The following CFAP57 variants were observed in gnomAD, a reference collection of about 807,000 sequenced individuals.
CFAP57 encodes cilia and flagella associated protein 57, also known as cilia- and flagella-associated protein 57.
Under a neutral mutation model 146.8 loss-of-function variants are expected in CFAP57, and 116 were observed. The observed-to-expected ratio is 0.79, with a 90% CI of 0.68 to 0.92. The LOEUF (loss-of-function observed/expected upper bound fraction) is 0.92. CFAP57 is among the 40% of genes least tolerant of loss of function. CFAP57 has a pLI of 0.00. For missense variants in CFAP57, 1,377 were observed against 1,527.2 expected (o/e 0.90, Z 1.64); for synonymous variants, 518 against 552.8 (o/e 0.94, Z 0.88).
intron 22 of CFAP57, among the ~76,000 whole-genome samples, chr1:43,249,421 CTTTTTTT>C (rs60189164): frequency 1.5e-5 from 1 of 67,902 alleles, no homozygotes; most frequent in African/African-American, 5.6e-5. Context: ...TTAACCATTT[CTTTTTTT>C]TTTTTTTTTT....
intron 22 of CFAP57, among the ~76,000 whole-genome samples, chr1:43,247,514 G>T (rs548023550): frequency 2.4e-4 from 37 of 152,200 alleles, no homozygotes; most frequent in African/African-American, 8.7e-4. Context: ...TGTGAGATTT[G>T]GCTTCACACT....
At chr1:43,223,489 T>C (rs1489433239) in intron 16 of CFAP57, among the ~76,000 whole-genome samples, 1 of 152,070 alleles carries the variant, frequency 6.6e-6, no homozygotes, top group Non-Finnish European at 1.5e-5. Flanking sequence ...GTGGGGAAGA[T>C]GTTTTTAGTT....
In CFAP57 at chr1:43,201,875, A is replaced by G. The variant is rs543385293; in HGVS notation, c.1542+2372A>G. 1.1e-4 allele frequency among the ~76,000 whole-genome samples: 16 copies of G among 152,308 alleles called. No individual in the cohort carries two copies. The highest frequency in any genetic ancestry group is 3.9e-4 in the African/African-American group (16 of 41,558). ...GGTGATCCACCCACCTCGGCCTCCC[A>G]AAGTCCTGGGATTACAGGCGTGAGC... is the stretch of plus-strand genomic sequence containing the variant. On this transcript the variant is annotated intron_variant, in intron 9 of 22. Coordinates refer to ENST00000372492, the MANE Select transcript of CFAP57 (RefSeq NM_001378189.1). The surrounding 1 kb of genome is among the most constrained non-coding windows in gnomAD (Gnocchi z 4.4).
At chr1:43,248,156 A>C (rs1285744287) in intron 22 of CFAP57, among the ~76,000 whole-genome samples, 1 of 151,212 alleles carries the variant, frequency 6.6e-6, no homozygotes, top group Non-Finnish European at 1.5e-5. Context: ...AAAAAAAAAA[A>C]AAAACAGTTA....
chr1:43,228,035 C>T (rs1441270765), intron 18 of CFAP57, among the ~76,000 whole-genome samples: 2 of 152,216 alleles, frequency 1.3e-5, no homozygotes, highest in Admixed American at 1.3e-4. Flanking sequence ...CAGCCACCAT[C>T]TCTTATCTGG....
chr1:43,207,294 G>A (rs1023829343), intron 10 of CFAP57, among the ~76,000 whole-genome samples: 6 of 152,096 alleles, frequency 3.9e-5, no homozygotes, highest in East Asian at 1.9e-4. Context: ...ACCTAACTAC[G>A]GTATGCACTG....
At chr1:43,202,587 A>C (rs1413558547) in intron 9 of CFAP57, among the ~76,000 whole-genome samples, 3 of 151,760 alleles carry the variant, frequency 2.0e-5, no homozygotes. Flanking sequence ...GTTCGAGACC[A>C]GCCTGGCCAA....
chr1:43,184,897 C>G (rs1645582265), intron 4 of CFAP57: 1 of 464,748 alleles, frequency 2.2e-6, no homozygotes, highest in Non-Finnish European at 4.0e-6. Context: ...CCCAAGCATA[C>G]CTGCGACTGT....
At chr1:43,211,791 A>G (rs890914799) in intron 11 of CFAP57, among the ~76,000 whole-genome samples, 7 of 123,750 alleles carry the variant, frequency 5.7e-5, no homozygotes, top group African/African-American at 1.9e-4. Flanking sequence ...CAAATATCCT[A>G]TCCTATGATG....
intron 12 of CFAP57, among the ~76,000 whole-genome samples, chr1:43,218,950 C>G (rs1419962642): frequency 6.6e-6 from 1 of 152,098 alleles, no homozygotes; most frequent in Non-Finnish European, 1.5e-5. Flanking sequence ...AGCTTAAGTT[C>G]TGATGGGGAA....
intron 18 of CFAP57, among the ~76,000 whole-genome samples, chr1:43,231,558 T>A (rs1471237709): frequency 6.6e-6 from 1 of 152,110 alleles, no homozygotes; most frequent in Non-Finnish European, 1.5e-5. Context: ...AATGAATTTT[T>A]AAAAAATCTT....
intron 4 of CFAP57, 82 bp from the exon 5 acceptor site, chr1:43,185,067 C>G: frequency 1.4e-6 from 2 of 1,465,904 alleles, no homozygotes; most frequent in Admixed American, 1.7e-5. Flanking sequence ...CACCCAGTGA[C>G]AGTCTTCTTT....
chr1:43,211,204 T>C (rs1644594197), intron 11 of CFAP57, among the ~76,000 whole-genome samples: 1 of 152,222 alleles, frequency 6.6e-6, no homozygotes, highest in African/African-American at 2.4e-5. Flanking sequence ...ATTCCACCTC[T>C]TCCCTTCAGA....
intron 21 of CFAP57, among the ~76,000 whole-genome samples, chr1:43,236,703 A>C (rs112767167): frequency 6.6e-6 from 1 of 150,670 alleles, no homozygotes; most frequent in Non-Finnish European, 1.5e-5. Flanking sequence ...AGGTCAGGAG[A>C]TCGAGATCAT....
At chr1:43,183,913 A>T in intron 4 of CFAP57, 36 bp downstream of exon 4, 1 of 1,612,040 alleles carries the variant, frequency 6.2e-7, no homozygotes, top group Non-Finnish European at 8.5e-7. Context: ...TCCCACATTC[A>T]TTGTACTGAC....
At chr1:43,228,451 C>T (rs1645342167) in intron 18 of CFAP57, among the ~76,000 whole-genome samples, 1 of 150,164 alleles carries the variant, frequency 6.7e-6, no homozygotes, top group African/African-American at 2.5e-5. Context: ...ATAACAGATA[C>T]AAGGGTGTCA....
At chr1:43,199,358 C>T (rs1177067373) in intron 8 of CFAP57, 32 bp from the exon 9 acceptor site, 2 of 1,602,618 alleles carry the variant, frequency 1.2e-6, no homozygotes, top group Non-Finnish European at 1.7e-6. Context: ...TCACTTCCTG[C>T]TTGCTTGCTC....
chr1:43,202,488 AG>A (rs1409124735), intron 9 of CFAP57, among the ~76,000 whole-genome samples: 1 of 152,238 alleles, frequency 6.6e-6, no homozygotes, highest in Non-Finnish European at 1.5e-5. Flanking sequence ...GACATTAAAA[AG>A]ATCTGAAAGG....
chr1:43,228,207 C>G (rs990947542), intron 18 of CFAP57, among the ~76,000 whole-genome samples: 1 of 152,204 alleles, frequency 6.6e-6, no homozygotes, highest in African/African-American at 2.4e-5. Flanking sequence ...TCACAGCTCC[C>G]CCTCCCTGCT....
Sources: allele counts gnomAD v4.1 joint callset (sites outside exome capture counted in the v4.1 genomes callset), GRCh38; gene constraint gnomAD v4.1.1; non-coding constraint Gnocchi (gnomAD v3.1); transcripts MANE v1.5; gene names NCBI Gene and HGNC (gene_info 2026-07-23, HGNC 2026-07-21).